The following CFAP299 variants were observed in gnomAD, a reference collection of about 807,000 sequenced individuals.
CFAP299 encodes cilia and flagella associated protein 299.
In CFAP299, 21 loss-of-function variants were observed where a neutral mutation model predicts 27.0. The observed-to-expected ratio is 0.78, with a 90% CI of 0.55 to 1.12. CFAP299 has a LOEUF of 1.12. CFAP299 is among the 50% of genes most tolerant of loss of function. CFAP299 has a pLI of 0.00. For synonymous variants in CFAP299, 104 were observed against 98.1 expected, an observed-to-expected ratio of 1.06 and a Z score of -0.36; for missense variants, 310 against 276.6, an observed-to-expected ratio of 1.12 and a Z score of -0.86.
At position 80,336,339 on chromosome 4, in the gene CFAP299, A is replaced by G. The variant is rs202052779; in HGVS notation, c.111+460A>G. 2.0e-5 allele frequency among the ~76,000 whole-genome samples: 3 copies of G among 152,280 alleles called. No homozygotes were observed. The East Asian group carries it at 5.8e-4, about 29-fold the overall frequency. ...ACCAACCTAGTGTATTTGGTGTTAT[A>G]TTGGGCGTTTGGGTTCATGAACTTC... On this transcript the variant is annotated intron_variant, in intron 1 of 5. Transcript: ENST00000358105.
chr4:80,591,105 A>AT lies in CFAP299; in HGVS notation c.333+7948dup, dbSNP rs70944795. ...GAAACAGATTATAATACTTTAGGAA[A>AT]TTTTTTTTTTTTTTTTTTTTTTTTT... On this transcript the variant is annotated intron_variant, in intron 3 of 5. Coordinates refer to ENST00000358105, the MANE Select transcript of CFAP299 (RefSeq NM_152770.3). Among the ~76,000 whole-genome samples the AT allele has an allele frequency of 9.1e-3, 1,148 of 126,818 alleles. 34 individuals are homozygous for AT. The highest frequency in any genetic ancestry group is 0.027 in the African/African-American group (869 of 32,766). The allele number at this position is 126,818 out of a possible 152,430, so 83.2% of individuals were successfully genotyped here. A position where few individuals can be genotyped will look rare whatever the true frequency, so the allele number is the denominator to read the frequency against.
intron 3 of CFAP299, among the ~76,000 whole-genome samples, chr4:80,709,543 C>G (rs1380940818): frequency 6.6e-6 from 1 of 152,090 alleles, no homozygotes; most frequent in South Asian, 2.1e-4. Context: ...TCACCTACCC[C>G]CTTAGGAGTT....
In CFAP299 at chr4:80,660,915, G is replaced by C. The variant is rs1354328112; in HGVS notation, c.333+77732G>C. On this transcript the variant is annotated intron_variant, in intron 3 of 5. Coordinates refer to ENST00000358105, the MANE Select transcript of CFAP299 (RefSeq NM_152770.3). ...TGTCTGGATCAATCTACCTTGGAATGTTAGTAGGTCAGATACAACAAAAGA... is the reference window on the plus strand; with the variant it reads ...TGTCTGGATCAATCTACCTTGGAATCTTAGTAGGTCAGATACAACAAAAGA... 2.6e-5 allele frequency among the ~76,000 whole-genome samples: 4 copies of C among 152,160 alleles called. No individual in the cohort carries two copies. In the South Asian group the frequency reaches 6.2e-4, roughly 24 times the overall value.
chr4:80,797,699 A>T (rs188407473), intron 3 of CFAP299, among the ~76,000 whole-genome samples: 1 of 152,278 alleles, frequency 6.6e-6, no homozygotes, highest in East Asian at 1.9e-4. Flanking sequence ...TCAAAGATGC[A>T]GGTTCTGCCC....
intron 3 of CFAP299, among the ~76,000 whole-genome samples, chr4:80,841,908 C>A (rs913866990): frequency 3.9e-5 from 6 of 152,048 alleles, no homozygotes; most frequent in Non-Finnish European, 5.9e-5. Context: ...AAGGTCTTGG[C>A]AAGAAGACAA....
At chr4:80,570,365 C>T (rs993335519) in intron 2 of CFAP299, among the ~76,000 whole-genome samples, 1 of 151,770 alleles carries the variant, frequency 6.6e-6, no homozygotes, top group Admixed American at 6.6e-5. Flanking sequence ...AATATATTTG[C>T]AGAGCATATA....
chr4:80,709,183 T>C (rs1165207521), intron 3 of CFAP299, among the ~76,000 whole-genome samples: 1 of 152,208 alleles, frequency 6.6e-6, no homozygotes. Flanking sequence ...GAGAAACTCA[T>C]TTTTCTTTTC....
chr4:80,931,074 A>G (rs1052945038), intron 4 of CFAP299, among the ~76,000 whole-genome samples: 5 of 152,090 alleles, frequency 3.3e-5, no homozygotes, highest in Non-Finnish European at 7.4e-5. Context: ...TTCTGTCCCA[A>G]ATACCTAAAA....
rs762006218 is a variant in CFAP299 at position 80,608,424 on chromosome 4, A to C, written c.333+25241A>C. On this transcript the variant is annotated intron_variant, in intron 3 of 5. Coordinates refer to ENST00000358105, the MANE Select transcript of CFAP299 (RefSeq NM_152770.3). ...GGAAAAGTTTCCTTTACAAGTTAGA[A>C]AAACATTTTGGCTTCATCCTACATA... is the stretch of plus-strand genomic sequence containing the variant. 3.6e-6 allele frequency: 5 copies of C among 1,371,200 alleles called. No individual in the cohort carries two copies. The South Asian group carries it at 6.3e-5, about 17-fold the overall frequency. The allele number at this position is 1,371,200 out of a possible 1,614,324, so 84.9% of individuals were successfully genotyped here.
At chr4:80,467,103 G>A (rs979617771) in intron 2 of CFAP299, among the ~76,000 whole-genome samples, 5 of 152,200 alleles carry the variant, frequency 3.3e-5, no homozygotes, top group African/African-American at 4.8e-5. Flanking sequence ...TTTAAGGTGG[G>A]TTTGGAGCAG....
chr4:80,943,608 G>T (rs1737307664), intron 4 of CFAP299, among the ~76,000 whole-genome samples: 2 of 151,910 alleles, frequency 1.3e-5, no homozygotes, highest in African/African-American at 4.8e-5. Flanking sequence ...GTAGGAATAA[G>T]ATACATAAAA....
chr4:80,837,685 T>C (rs532907891), intron 3 of CFAP299, among the ~76,000 whole-genome samples: 5 of 152,370 alleles, frequency 3.3e-5, no homozygotes, highest in East Asian at 1.9e-4. Context: ...CAGTCTATCA[T>C]TGATGCACAT....
chr4:80,493,808 G>A (rs1259141759), intron 2 of CFAP299, among the ~76,000 whole-genome samples: 5 of 104,520 alleles, frequency 4.8e-5, no homozygotes, highest in African/African-American at 1.3e-4. Context: ...TCGCTCTGTC[G>A]CCCAGGCCAG....
intron 4 of CFAP299, among the ~76,000 whole-genome samples, chr4:80,893,348 T>C (rs1338566395): frequency 6.6e-6 from 1 of 151,894 alleles, no homozygotes. Flanking sequence ...ATTCCAATAA[T>C]ATTTTTCACA....
chr4:80,738,006 ATTGT>A (rs1233692203), intron 3 of CFAP299, among the ~76,000 whole-genome samples: 2 of 152,030 alleles, frequency 1.3e-5, no homozygotes, highest in Non-Finnish European at 2.9e-5. Context: ...TCAGGAGCGT[ATTGT>A]TTAATTCTAG....
At chr4:80,863,606 A>G (rs575751590) in intron 3 of CFAP299, among the ~76,000 whole-genome samples, 39 of 152,112 alleles carry the variant, frequency 2.6e-4, no homozygotes, top group African/African-American at 8.7e-4. Context: ...ATATTTCTTC[A>G]TTGCTTGTTC....
chr4:80,455,951 T>TA lies in CFAP299; in HGVS notation c.242+93076dup, dbSNP rs546481042. Among the ~76,000 whole-genome samples the TA allele has an allele frequency of 5.2e-3, 775 of 149,168 alleles. 6 individuals are homozygous for TA. The highest frequency in any genetic ancestry group is 0.018 in the African/African-American group (732 of 40,582). ...TTGGGGAAGGTAGACAATAAAGAAATAAAAAAAAAGATATGCTATGATAGA... is the reference window on the plus strand; with the variant it reads ...TTGGGGAAGGTAGACAATAAAGAAATAAAAAAAAAAGATATGCTATGATAGA... On this transcript the variant is annotated intron_variant, in intron 2 of 5. Coordinates refer to ENST00000358105, the MANE Select transcript of CFAP299 (RefSeq NM_152770.3).
chr4:80,518,607 T>C (rs951598540), intron 2 of CFAP299, among the ~76,000 whole-genome samples: 1 of 152,086 alleles, frequency 6.6e-6, no homozygotes, highest in African/African-American at 2.4e-5. Context: ...AGCTCTAAAA[T>C]GCTTGAGATG....
intron 2 of CFAP299, among the ~76,000 whole-genome samples, chr4:80,535,956 C>A (rs1450594539): frequency 6.6e-6 from 1 of 152,076 alleles, no homozygotes; most frequent in African/African-American, 2.4e-5. Context: ...GATCATCAAG[C>A]TAGGGAGAGA....
Sources: gnomAD v4.1 joint callset for allele counts (sites outside exome capture counted in the v4.1 genomes callset) on GRCh38, gnomAD v4.1.1 for gene constraint, MANE v1.5 for transcripts, NCBI Gene and HGNC (gene_info 2026-07-23, HGNC 2026-07-21) for gene names.